KDM5A: variants seen among roughly 807,000 people sequenced by gnomAD.
KDM5A encodes lysine demethylase 5A.
A neutral mutation model predicts 193.5 loss-of-function variants in KDM5A; 42 were observed. The observed-to-expected ratio is 0.22, with a 90% confidence interval of 0.17 to 0.28. The LOEUF (loss-of-function observed/expected upper bound fraction) is 0.28, where lower values mean the gene tolerates loss of function less well. Among genes scored for constraint, KDM5A ranks in the 10% least tolerant of loss-of-function variants. KDM5A has a pLI of 1.00. For missense variants in KDM5A, 1,692 were observed against 2,055.1 expected (o/e 0.82, Z 3.42); for synonymous variants, 796 against 718.1 (o/e 1.11, Z -1.73).
chr12:302,852 C>T (rs763458666), intron 24 of KDM5A, among the ~76,000 whole-genome samples: 13 of 152,100 alleles, frequency 8.5e-5, no homozygotes, highest in Non-Finnish European at 1.3e-4. Flanking sequence ...AAAAAGTAGG[C>T]GAAGAATATG....
chr12:324,274 G>A (rs57441869), intron 14 of KDM5A, among the ~76,000 whole-genome samples: 3,192 of 151,936 alleles, frequency 0.021, 91 homozygotes, highest in African/African-American at 0.072. Context: ...TCCAACCCCA[G>A]CCGACATAGC....
At chr12:384,350 C>T (rs145847323) in intron 2 of KDM5A, among the ~76,000 whole-genome samples, 197 bp from the exon 3 acceptor site, 9 of 152,248 alleles carry the variant, frequency 5.9e-5, no homozygotes, top group African/African-American at 2.2e-4. Flanking sequence ...TTGTGAACTG[C>T]GTGTGAGGGA....
intron 3 of KDM5A, among the ~76,000 whole-genome samples, chr12:367,806 G>A (rs10431354): frequency 0.7 from 105,493 of 151,596 alleles, 36,867 homozygotes; most frequent in Middle Eastern, 0.77. Flanking sequence ...AGGCTGCAGC[G>A]AGCCATGATC....
Position 323,051 on chromosome 12 carries a change from A to G in KDM5A, c.2275+31T>C, listed in dbSNP as rs777859877. The G allele has an allele frequency of 3.4e-5, 55 of 1,613,120 alleles. 2 individuals are homozygous for G. In the South Asian group the frequency reaches 5.8e-4, roughly 17 times the overall value. ...CCTCTTTTAAAGTGACAATCAATTC[A>G]GTATATGCATACAAAAGAAGGAAAT... is the stretch of plus-strand genomic sequence containing the variant. On this transcript the variant is annotated intron_variant, in intron 16 of 27. Transcript: ENST00000399788.
intron 10 of KDM5A, among the ~76,000 whole-genome samples, chr12:338,497 C>G (rs1302007501): frequency 6.6e-6 from 1 of 152,158 alleles, no homozygotes; most frequent in Non-Finnish European, 1.5e-5. Flanking sequence ...CTGGTTTACT[C>G]TAGACTTTGC....
intron 3 of KDM5A, among the ~76,000 whole-genome samples, chr12:377,254 C>G (rs1003919051): frequency 6.6e-6 from 1 of 151,848 alleles, no homozygotes; most frequent in African/African-American, 2.4e-5. Context: ...AACTAAAGGA[C>G]CAGCCTAACA....
chr12:323,087 T>A lies in KDM5A; in HGVS notation c.2270A>T (p.Lys757Ile). Residue 757 changes from lysine (K) to isoleucine (I), a missense_variant, in exon 16 of 28, where the codon AAA becomes ATA. Lys to Ile is a moderately radical substitution (Grantham distance 102). Around this residue, in one of 11 missense-constraint regions of KDM5A, gnomAD observed 965 missense variants for 1,061.0 expected, o/e 0.91. Coordinates refer to ENST00000399788, the MANE Select transcript of KDM5A (RefSeq NM_001042603.3). ...TEALSANFNHKKDLIELRVML... is the reference protein window; with the variant it reads ...TEALSANFNHIKDLIELRVML... Reference sequence around the variant, plus strand: ...ACAAAAGAAGGAAATTTAACCTTTTTTGTGGTTGAAGTTAGCAGACAATGC... The same window carrying A: ...ACAAAAGAAGGAAATTTAACCTTTTATGTGGTTGAAGTTAGCAGACAATGC... 1 of 1,613,266 alleles carries A rather than the reference T, an allele frequency of 6.2e-7. No individual in the cohort carries two copies. Among genetic ancestry groups the A allele is most frequent in the East Asian group, 2.2e-5 (1 of 44,854 alleles).
intron 10 of KDM5A, among the ~76,000 whole-genome samples, chr12:336,445 T>G (rs1438629351): frequency 6.6e-6 from 1 of 150,862 alleles, no homozygotes; most frequent in Non-Finnish European, 1.5e-5. Flanking sequence ...AAATGACAGA[T>G]CTATTCCTAA....
At chr12:324,797 C>CGG (rs201665707) in intron 14 of KDM5A, among the ~76,000 whole-genome samples, 4 of 151,350 alleles carry the variant, frequency 2.6e-5, no homozygotes, top group Non-Finnish European at 2.9e-5. Flanking sequence ...CACTTGAGCC[C>CGG]GGGGGGTGAA....
In KDM5A at chr12:318,248, A is replaced by G. The variant is rs542998005; in HGVS notation, c.2755T>C (p.Leu919=). ...TCTATCAGCTTCTTCATGACATCCA[A>G]AGTGACTTGTTGCGGATCTGATAAG... ...LTLSDPQQVT[L]DVMKKLIDSG... is the part of the protein sequence containing the mutation. The change falls in exon 19 of 28, where the codon TTG becomes CTG. Residue 919 remains leucine, a synonymous_variant. Coordinates refer to ENST00000399788, the MANE Select transcript of KDM5A (RefSeq NM_001042603.3). 1.2e-5 allele frequency: 20 copies of G among 1,614,108 alleles called. No individual in the cohort carries two copies. The South Asian group carries it at 1.5e-4, about 12-fold the overall frequency.
chr12:361,831 T>C (rs1313187129), intron 5 of KDM5A, among the ~76,000 whole-genome samples: 1 of 152,222 alleles, frequency 6.6e-6, no homozygotes, highest in African/African-American at 2.4e-5. Context: ...CCAGGATACC[T>C]ACCTTTCTAC....
chr12:369,676 A>C (rs1208199258), intron 3 of KDM5A, among the ~76,000 whole-genome samples: 1 of 152,200 alleles, frequency 6.6e-6, no homozygotes, highest in African/African-American at 2.4e-5. Context: ...AAAGGCTCCA[A>C]GTCAGAAGCA....
At chr12:340,021 G>A (rs145215421) in intron 10 of KDM5A, among the ~76,000 whole-genome samples, 66 of 151,852 alleles carry the variant, frequency 4.3e-4, no homozygotes, top group African/African-American at 1.4e-3. Flanking sequence ...AACTACAGGC[G>A]TGTGCCACCA....
At position 281,280 on chromosome 12, in the gene KDM5A, G is replaced by A. The variant is rs376502050; in HGVS notation, c.*4176C>T. Reference sequence around the variant, plus strand: ...AATATGTAAGGGAATAATCAATAGGGAGTCTTGAGGTTTTACAAGACATTC... The same window carrying A: ...AATATGTAAGGGAATAATCAATAGGAAGTCTTGAGGTTTTACAAGACATTC... On this transcript the variant is annotated 3_prime_UTR_variant, in exon 28 of 28. Transcript: ENST00000399788. The A allele has an allele frequency of 2.1e-5, 5 of 233,048 alleles. No homozygotes were observed. Among genetic ancestry groups the A allele is most frequent in the South Asian group, 3.6e-4 (2 of 5,522 alleles). 14.4% of individuals were successfully genotyped at this position (233,048 alleles called of 1,614,324 possible). A position where few individuals can be genotyped will look rare whatever the true frequency, so the allele number is the denominator to read the frequency against.
chr12:337,282 G>T (rs1943946483), intron 10 of KDM5A, among the ~76,000 whole-genome samples: 1 of 152,150 alleles, frequency 6.6e-6, no homozygotes, highest in African/African-American at 2.4e-5. Context: ...AAATTACCCA[G>T]CCTCGAGTAT....
In KDM5A at chr12:307,786, C is replaced by CT. The variant is rs771545848; in HGVS notation, c.3597dup (p.Gly1200ArgfsTer7). 1.9e-6 allele frequency: 3 copies of CT among 1,613,804 alleles called. No homozygotes were observed. The highest frequency in any genetic ancestry group is 2.5e-6 in the Non-Finnish European group (3 of 1,179,864). The stretch of plus-strand genomic sequence containing the variant: ...ACTTCTTTAGCTTGCCAGCTGGATC[C>CT]TTTTTTTTGGGAACTTGATTTAGGA... On this transcript the variant is annotated frameshift_variant, in exon 23 of 28. Coordinates refer to ENST00000399788, the MANE Select transcript of KDM5A (RefSeq NM_001042603.3). LOFTEE classifies it high-confidence loss of function. The surrounding 1 kb of genome is among the most constrained non-coding windows in gnomAD (Gnocchi z 4.3).
chr12:307,626 G>C lies in KDM5A; in HGVS notation c.3758C>G (p.Ala1253Gly), dbSNP rs753524273. The C allele has an allele frequency of 6.2e-7, 1 of 1,614,190 alleles. No homozygotes were observed. The highest frequency in any genetic ancestry group is 8.5e-7 in the Non-Finnish European group (1 of 1,180,036). The change falls in exon 23 of 28, where the codon GCT becomes GGT. Residue 1253 changes from alanine to glycine, a missense_variant. Ala to Gly is a moderately conservative substitution (Grantham distance 60). This residue lies in a region of KDM5A where 965 missense variants were observed against 1,061.0 expected (regional missense o/e 0.91). Coordinates refer to ENST00000399788, the MANE Select transcript of KDM5A (RefSeq NM_001042603.3). This position sits in a 1 kb window ranked among gnomAD's most constrained non-coding sequence, Gnocchi z 4.3. The stretch of plus-strand genomic sequence containing the variant: ...CCGCGCTCTATCTTGCCAACTCATA[G>C]CACGTTCTGTCAAACACTGCAGGGC... ...GEALQCLTERAMSWQDRARQA... is the reference protein window; with the variant it reads ...GEALQCLTERGMSWQDRARQA...
intron 1 of KDM5A, among the ~76,000 whole-genome samples, chr12:386,762 C>T (rs1944642200): frequency 6.6e-6 from 1 of 152,130 alleles, no homozygotes; most frequent in Admixed American, 6.5e-5. Flanking sequence ...GGATGCTCAA[C>T]CTGTATTGCT....
At chr12:347,904 T>G (rs992686160) in intron 10 of KDM5A, among the ~76,000 whole-genome samples, 1 of 152,110 alleles carries the variant, frequency 6.6e-6, no homozygotes, top group Non-Finnish European at 1.5e-5. Flanking sequence ...AAAGCCAAAA[T>G]AGACAAATGG....
Sources: allele counts gnomAD v4.1 joint callset (sites outside exome capture counted in the v4.1 genomes callset), GRCh38; gene constraint gnomAD v4.1.1; regional missense constraint gnomAD v4.1.1; non-coding constraint Gnocchi (gnomAD v3.1); transcripts MANE v1.5; gene names NCBI Gene and HGNC (gene_info 2026-07-23, HGNC 2026-07-21).